Variants in TRAPPC9 observed in about 807,000 individuals in gnomAD.
TRAPPC9 encodes trafficking protein particle complex subunit 9.
A neutral mutation model predicts 124.0 loss-of-function variants in TRAPPC9; 83 were observed. The ratio of observed to expected loss-of-function variants is 0.67; its 90% CI spans 0.56 to 0.80. The LOEUF is 0.80. TRAPPC9 is among the 30% of genes least tolerant of loss of function. TRAPPC9 has a pLI of 0.00. For missense variants in TRAPPC9, 1,302 were observed against 1,508.3 expected, an observed-to-expected ratio of 0.86 and a Z score of 2.27; for synonymous variants, 638 against 617.5, an observed-to-expected ratio of 1.03 and a Z score of -0.49.
rs140928207 is a variant in TRAPPC9, at chr8:139,732,059, C to G, written c.3199G>C (p.Asp1067His). 9 of 1,604,742 alleles carry G rather than the reference C, an allele frequency of 5.6e-6. No homozygotes were observed. Among genetic ancestry groups the G allele is most frequent in the Non-Finnish European group, 7.7e-6 (9 of 1,175,832 alleles). Residue 1067 changes from aspartate to histidine, a missense_variant, in exon 22 of 23, where the codon GAC (aspartate) becomes CAC (histidine). Physicochemically the swap from Asp to His is moderately conservative, Grantham distance 81 (BLOSUM62 -1). Coordinates refer to ENST00000438773, the MANE Select transcript of TRAPPC9 (RefSeq NM_001160372.4). The part of the protein sequence containing the change: ...PFALTVVPFQ[D>H]HQNGVHNYDL... ...TAGTTGTGCACGCCGTTCTGGTGGT[C>G]CTGGAAGGGGACCACAGTGAGGGCG...
chr8:140,455,779 C>T (rs1465868859), intron 1 of TRAPPC9, among the ~76,000 whole-genome samples: 1 of 152,170 alleles, frequency 6.6e-6, no homozygotes, highest in Non-Finnish European at 1.5e-5. Flanking sequence ...CACAAATGTC[C>T]ATCAACTGCC....
At position 140,104,765 on chromosome 8, in the gene TRAPPC9, A is replaced by T. The variant is rs1290133068; in HGVS notation, c.2557-80686T>A. Reference sequence around the variant, plus strand: ...CCCAGCTAACAGAAGAACGGTTCACACCGACAAGGTACTTCTTAAACATCC... The same window carrying T: ...CCCAGCTAACAGAAGAACGGTTCACTCCGACAAGGTACTTCTTAAACATCC... On this transcript the variant is annotated intron_variant, in intron 17 of 22. Transcript: ENST00000438773. This position sits in a 1 kb window ranked among gnomAD's most constrained non-coding sequence, Gnocchi z 4.0. Among the ~76,000 whole-genome samples, 1 of 152,258 alleles carries T rather than the reference A, an allele frequency of 6.6e-6. No individual in the cohort carries two copies. The highest frequency in any genetic ancestry group is 1.5e-5 in the Non-Finnish European group (1 of 68,042).
At chr8:139,731,459 G>A (rs1450392276) in intron 22 of TRAPPC9, among the ~76,000 whole-genome samples, 2 of 152,176 alleles carry the variant, frequency 1.3e-5, no homozygotes, top group African/African-American at 4.8e-5. Context: ...GGCTCAGGGG[G>A]TCAGGAGTGT....
intron 21 of TRAPPC9, among the ~76,000 whole-genome samples, chr8:139,871,822 G>T (rs1198455404): frequency 6.6e-6 from 1 of 152,182 alleles, no homozygotes; most frequent in Admixed American, 6.5e-5. Context: ...TGGATGGACT[G>T]ATGAGCGGAT....
intron 21 of TRAPPC9, among the ~76,000 whole-genome samples, chr8:139,734,811 C>T (rs576303705): frequency 6.6e-6 from 1 of 152,370 alleles, no homozygotes; most frequent in Admixed American, 6.5e-5. Flanking sequence ...CACTATAGGG[C>T]CCAGGGAAGT....
In TRAPPC9 at chr8:139,947,145, G is replaced by T. The variant is rs1244816994; in HGVS notation, c.2811-36845C>A. On this transcript the variant is annotated intron_variant, in intron 19 of 22. Coordinates refer to ENST00000438773, the MANE Select transcript of TRAPPC9 (RefSeq NM_001160372.4). ...CAAGTCAAATAAGTAGCGTGTTGTA[G>T]CAAGACAGGGTGGTATCATTAAAGA... is the stretch of plus-strand genomic sequence containing the variant. Among the ~76,000 whole-genome samples the T allele has an allele frequency of 2.0e-5, 3 of 152,202 alleles. No homozygotes were observed. The East Asian group carries it at 5.8e-4, about 29-fold the overall frequency.
intron 8 of TRAPPC9, among the ~76,000 whole-genome samples, chr8:140,363,723 G>A (rs1198684748): frequency 3.3e-5 from 5 of 151,414 alleles, no homozygotes; most frequent in Admixed American, 2.0e-4. Context: ...TCAGCCTCCC[G>A]AGTAGCTGGG....
At chr8:139,784,702 A>G (rs899510845) in intron 21 of TRAPPC9, among the ~76,000 whole-genome samples, 1 of 149,362 alleles carries the variant, frequency 6.7e-6, no homozygotes. Flanking sequence ...AACTTAAAAA[A>G]TACTATTTAC....
At chr8:140,060,137 G>A (rs1445909055) in intron 17 of TRAPPC9, among the ~76,000 whole-genome samples, 2 of 152,216 alleles carry the variant, frequency 1.3e-5, no homozygotes, top group African/African-American at 2.4e-5. Flanking sequence ...GGAGCAGCTC[G>A]TTCTTTCTGA....
At position 139,731,071 on chromosome 8, in the gene TRAPPC9, G is replaced by C. The variant is rs754061906; in HGVS notation, c.3437C>G (p.Ala1146Gly). 4 of 1,612,654 alleles carry C rather than the reference G, an allele frequency of 2.5e-6. No individual in the cohort carries two copies. In the South Asian group the frequency reaches 3.3e-5, roughly 13 times the overall value. ...CGGAAGTAGGCGGGCTCAGGCCTGC[G>C]CCTCCAGGGCACACACGTGCACACT... ...LPSVHVCALEAQA is the reference protein window; with the variant it reads ...LPSVHVCALEGQA The change falls in exon 23 of 23, where the codon GCG (alanine) becomes GGG (glycine). Residue 1146 changes from alanine to glycine, a missense_variant. Coordinates refer to ENST00000438773, the MANE Select transcript of TRAPPC9 (RefSeq NM_001160372.4).
chr8:139,825,402 A>T lies in TRAPPC9; in HGVS notation c.3055+60477T>A, dbSNP rs1318792499. The stretch of plus-strand genomic sequence containing the variant: ...AGGCCTGTCCATCCCATGGCTGTGC[A>T]GGATAAGGAATGACGGGCTGTGGGC... On this transcript the variant is annotated intron_variant, in intron 21 of 22. Transcript: ENST00000438773. This position sits in a 1 kb window ranked among gnomAD's most constrained non-coding sequence, Gnocchi z 4.6. 6.6e-6 allele frequency among the ~76,000 whole-genome samples: 1 copy of T among 152,204 alleles called. No individual in the cohort carries two copies. The highest frequency in any genetic ancestry group is 2.4e-5 in the African/African-American group (1 of 41,468).
At chr8:140,133,982 A>T (rs1377529814) in intron 17 of TRAPPC9, among the ~76,000 whole-genome samples, 1 of 152,188 alleles carries the variant, frequency 6.6e-6, no homozygotes, top group East Asian at 1.9e-4. Flanking sequence ...CCCAAAACAA[A>T]GATTCAACTC....
chr8:139,752,191 A>G (rs1819357761), intron 21 of TRAPPC9, among the ~76,000 whole-genome samples: 1 of 147,606 alleles, frequency 6.8e-6, no homozygotes, highest in South Asian at 2.2e-4. Flanking sequence ...CCATCCATCC[A>G]CCATCTACCC....
At chr8:139,757,616 G>A (rs1819940084) in intron 21 of TRAPPC9, among the ~76,000 whole-genome samples, 1 of 152,026 alleles carries the variant, frequency 6.6e-6, no homozygotes, top group African/African-American at 2.4e-5. Flanking sequence ...CTGTGCAGTG[G>A]GCCCAGTGGC....
At chr8:140,234,653 T>C (rs77537013) in intron 16 of TRAPPC9, among the ~76,000 whole-genome samples, 1,868 of 152,350 alleles carry the variant, frequency 0.012, 36 homozygotes, top group African/African-American at 0.043. Flanking sequence ...GTAAGTCCTG[T>C]TACCTGATTA....
Position 140,024,035 on chromosome 8 carries a change from G to T in TRAPPC9, c.2601C>A (p.Gly867=). Residue 867 remains glycine (G), a synonymous_variant, in exon 18 of 23, where the codon GGC becomes GGA. Transcript: ENST00000438773. ...GATTCCTGTAATATCCTTCAGTGTGGCCCGGGCCTCCAGAGTATTTGAAAT... is the reference window on the plus strand; with the variant it reads ...GATTCCTGTAATATCCTTCAGTGTGTCCCGGGCCTCCAGAGTATTTGAAAT... ...VLNFKYSGGP[G]HTEGYYRNLS... 6.2e-7 allele frequency: 1 copy of T among 1,613,994 alleles called. No homozygotes were observed. The highest frequency in any genetic ancestry group is 1.1e-5 in the South Asian group (1 of 91,068).
chr8:140,426,289 A>G (rs891003063), intron 5 of TRAPPC9, among the ~76,000 whole-genome samples: 2 of 152,228 alleles, frequency 1.3e-5, no homozygotes, highest in Non-Finnish European at 2.9e-5. Context: ...AATCAGAGCA[A>G]AGTCGTGATT....
intron 21 of TRAPPC9, among the ~76,000 whole-genome samples, chr8:139,819,923 G>T (rs1030838187): frequency 1.4e-5 from 2 of 140,634 alleles, no homozygotes; most frequent in Non-Finnish European, 3.0e-5. Flanking sequence ...TGAGGCAGGA[G>T]AATCACCCCG....
intron 17 of TRAPPC9, among the ~76,000 whole-genome samples, chr8:140,124,748 C>T (rs2061054203): frequency 7.9e-6 from 1 of 127,118 alleles, no homozygotes; most frequent in Admixed American, 7.9e-5. Context: ...CTCTCGAAGT[C>T]TGAAGGCAGT....
Sources: allele counts gnomAD v4.1 joint callset (sites outside exome capture counted in the v4.1 genomes callset), GRCh38; gene constraint gnomAD v4.1.1; non-coding constraint Gnocchi (gnomAD v3.1); transcripts MANE v1.5; gene names NCBI Gene and HGNC (gene_info 2026-07-23, HGNC 2026-07-21).